The following GRID2 variants were observed in gnomAD, a reference collection of about 807,000 sequenced individuals.
The protein encoded by GRID2 is glutamate ionotropic receptor delta type subunit 2.
In GRID2, 33 loss-of-function variants were observed where a neutral mutation model predicts 114.8. The observed-to-expected ratio is 0.29, with a 90% CI of 0.22 to 0.38. The LOEUF (loss-of-function observed/expected upper bound fraction) is 0.38, where lower values mean the gene tolerates loss of function less well. GRID2 is among the 10% of genes least tolerant of loss of function. GRID2 has a pLI of 1.00. For synonymous variants in GRID2, 505 were observed against 449.9 expected, an observed-to-expected ratio of 1.12 and a Z score of -1.55; for missense variants, 1,184 against 1,257.7, an observed-to-expected ratio of 0.94 and a Z score of 0.89.
chr4:93,075,206 T>C (rs542548921), intron 2 of GRID2, among the ~76,000 whole-genome samples: 30 of 152,272 alleles, frequency 2.0e-4, no homozygotes, highest in Admixed American at 1.4e-3. Context: ...AAAAACCATA[T>C]GGTTATCTCA....
intron 2 of GRID2, among the ~76,000 whole-genome samples, chr4:93,050,510 GT>G (rs1395108561): frequency 0.012 from 90 of 7,224 alleles, no homozygotes; most frequent in Admixed American, 7.1e-3. Context: ...ATAATACCTG[GT>G]GTGTGTGTGT....
At chr4:92,701,268 G>A (rs191941541) in intron 2 of GRID2, among the ~76,000 whole-genome samples, 4 of 152,110 alleles carry the variant, frequency 2.6e-5, no homozygotes, top group East Asian at 3.9e-4. Flanking sequence ...CCCTTAAATC[G>A]TTCCTAGAAC....
At chr4:92,617,315 G>A (rs966676179) in intron 2 of GRID2, among the ~76,000 whole-genome samples, 6 of 151,144 alleles carry the variant, frequency 4.0e-5, no homozygotes, top group South Asian at 4.2e-4. Context: ...CTATCAACCC[G>A]TCATCTAGCT....
intron 8 of GRID2, among the ~76,000 whole-genome samples, chr4:93,260,376 C>T (rs1750122246): frequency 7.1e-6 from 1 of 140,964 alleles, no homozygotes; most frequent in African/African-American, 2.7e-5. Flanking sequence ...TTTTAAAAGC[C>T]AAGTAAACCC....
At chr4:92,381,013 T>A (rs1729596104) in intron 1 of GRID2, among the ~76,000 whole-genome samples, 1 of 151,960 alleles carries the variant, frequency 6.6e-6, no homozygotes, top group Admixed American at 6.6e-5. Flanking sequence ...TTCCCTCCAA[T>A]ATTATTTTTT....
chr4:92,634,747 C>CTTTTTTTTTTCT (rs5860283), intron 2 of GRID2, among the ~76,000 whole-genome samples: 19 of 121,200 alleles, frequency 1.6e-4, no homozygotes, highest in Non-Finnish European at 3.1e-4. Context: ...TTTTTTTTTT[C>CTTTTTTTTTTCT]TTTTTTTTTT....
chr4:93,393,773 A>T (rs1765073579), intron 8 of GRID2, among the ~76,000 whole-genome samples: 1 of 152,014 alleles, frequency 6.6e-6, no homozygotes, highest in Non-Finnish European at 1.5e-5. Context: ...AATACACCAA[A>T]ATGGTACAGT....
chr4:92,760,576 C>T (rs1737960258), intron 2 of GRID2, among the ~76,000 whole-genome samples: 1 of 152,116 alleles, frequency 6.6e-6, no homozygotes, highest in Admixed American at 6.5e-5. Flanking sequence ...ATATCACAGC[C>T]TAATCTATAG....
chr4:93,224,921 TGAGA>T (rs910870299), intron 7 of GRID2, 146 bp downstream of exon 7: 3 of 606,304 alleles, frequency 4.9e-6, no homozygotes, highest in Non-Finnish European at 8.4e-6. Flanking sequence ...AGAAAAAAGG[TGAGA>T]GAGTCATCAA....
intron 8 of GRID2, among the ~76,000 whole-genome samples, chr4:93,296,748 A>G (rs1754352351): frequency 1.3e-5 from 2 of 152,246 alleles, no homozygotes; most frequent in South Asian, 4.1e-4. Context: ...GAATCTGACC[A>G]GCAAGAGATA....
At chr4:92,920,939 G>A (rs1296935409) in intron 2 of GRID2, among the ~76,000 whole-genome samples, 1 of 152,168 alleles carries the variant, frequency 6.6e-6, no homozygotes, top group Non-Finnish European at 1.5e-5. Context: ...ATCCTGCAGA[G>A]TGTTTTCCAA....
At chr4:92,594,594 T>A (rs1728860218) in intron 2 of GRID2, among the ~76,000 whole-genome samples, 1 of 151,854 alleles carries the variant, frequency 6.6e-6, no homozygotes, top group South Asian at 2.1e-4. Context: ...AGATATAGGG[T>A]ATCCATTGTT....
rs183933020 is a variant in GRID2, at chr4:92,711,518, A to G, written c.244+121232A>G. 1.8e-3 allele frequency among the ~76,000 whole-genome samples: 275 copies of G among 152,318 alleles called. 2 individuals carry two copies. The highest frequency in any genetic ancestry group is 6.4e-3 in the African/African-American group (264 of 41,572). ...CAGGCTTTGCCTTGTGGTCCCATCC[A>G]TTTCTGCAATAGAGTAACTGTTTCC... is the stretch of plus-strand genomic sequence containing the variant. On this transcript the variant is annotated intron_variant, in intron 2 of 15. Transcript: ENST00000282020.
intron 2 of GRID2, among the ~76,000 whole-genome samples, chr4:92,851,536 T>A (rs2149423136): frequency 6.6e-6 from 1 of 152,086 alleles, no homozygotes; most frequent in African/African-American, 2.4e-5. Context: ...TTCTACATAA[T>A]CAGATATTAA....
At chr4:93,767,332 T>A (rs1733751714) in intron 14 of GRID2, among the ~76,000 whole-genome samples, 1 of 152,148 alleles carries the variant, frequency 6.6e-6, no homozygotes, top group South Asian at 2.1e-4. Flanking sequence ...GAAATGCACT[T>A]TTGGAAATTC....
intron 13 of GRID2, among the ~76,000 whole-genome samples, chr4:93,622,240 A>G (rs959406343): frequency 5.3e-5 from 8 of 152,320 alleles, no homozygotes; most frequent in African/African-American, 9.6e-5. Context: ...TGAGAAATCA[A>G]TGCAGACGAA....
At chr4:92,344,347 G>A (rs143909241) in intron 1 of GRID2, among the ~76,000 whole-genome samples, 1 of 151,944 alleles carries the variant, frequency 6.6e-6, no homozygotes, top group East Asian at 1.9e-4. Flanking sequence ...ACTGTGAAAG[G>A]GCTTAGAAAT....
chr4:93,371,084 A>G (rs558941895), intron 8 of GRID2, among the ~76,000 whole-genome samples: 45 of 152,324 alleles, frequency 3.0e-4, no homozygotes, highest in African/African-American at 1.1e-3. Flanking sequence ...AGAACTTATT[A>G]TGTCACTGTA....
At chr4:92,976,026 TTAATA>T (rs1320655448) in intron 2 of GRID2, among the ~76,000 whole-genome samples, 1 of 152,100 alleles carries the variant, frequency 6.6e-6, no homozygotes, top group African/African-American at 2.4e-5. Context: ...TTTTCATTAA[TTAATA>T]TACTAGATTA....
Sources: gnomAD v4.1 joint callset for allele counts (sites outside exome capture counted in the v4.1 genomes callset) on GRCh38, gnomAD v4.1.1 for gene constraint, MANE v1.5 for transcripts, NCBI Gene and HGNC (gene_info 2026-07-23, HGNC 2026-07-21) for gene names.